Variants in UBXN11 observed in about 807,000 individuals in gnomAD.
The protein encoded by UBXN11 is UBX domain protein 11.
In UBXN11, 47 loss-of-function variants were observed where a neutral mutation model predicts 62.8. The ratio of observed to expected loss-of-function variants is 0.75; its 90% CI spans 0.59 to 0.95. The LOEUF (loss-of-function observed/expected upper bound fraction) is 0.95. Ranked by LOEUF, UBXN11 falls within the 40% of genes least tolerant of loss-of-function variation. UBXN11 has a pLI of 0.00. For missense variants in UBXN11, 638 were observed against 661.7 expected, an observed-to-expected ratio of 0.96 and a Z score of 0.39; for synonymous variants, 294 against 267.0, an observed-to-expected ratio of 1.10 and a Z score of -0.99.
rs556044481 is a variant in UBXN11, at chr1:26,284,203, T to C, written c.1016A>G (p.Lys339Arg). 14 of 1,613,116 alleles carry C rather than the reference T, an allele frequency of 8.7e-6. 1 individual carries two copies. In the African/African-American group the frequency reaches 9.3e-5, roughly 11 times the overall value. ...CACCTCGCCTTGCCGGATCACAAAC[T>C]TGGGGAGCCTGTTCAGAAATTTCTC... ...TAEKFLNRLP[K>R]FVIRQGEVID... Residue 339 changes from lysine (K) to arginine (R), a missense_variant, in exon 12 of 15, where the codon AAG becomes AGG. Transcript: ENST00000374222.
chr1:26,313,782 C>CTTTTTTT (rs56037016), intron 1 of UBXN11, among the ~76,000 whole-genome samples: 1 of 125,904 alleles, frequency 7.9e-6, no homozygotes, highest in Non-Finnish European at 1.7e-5. Context: ...AATTTTTTTT[C>CTTTTTTT]TTTTTTTTTT....
At position 26,302,812 on chromosome 1, in the gene UBXN11, C is replaced by T. The variant is rs1249218241; in HGVS notation, c.71+1G>A. ...AAAGACCCCTGAGGCTGGCTCCTTA[C>T]CCAGGATTCATAGGCTCCGAGGGCA... On this transcript the variant is annotated splice_donor_variant, in intron 2 of 14. Coordinates refer to ENST00000374222, the MANE Select transcript of UBXN11 (RefSeq NM_001389556.1). LOFTEE classifies it high-confidence loss of function. 6.2e-6 allele frequency: 10 copies of T among 1,613,406 alleles called. No homozygotes were observed. The highest frequency in any genetic ancestry group is 8.5e-6 in the Non-Finnish European group (10 of 1,179,668).
chr1:26,295,658 A>T (rs2073374082), intron 7 of UBXN11, among the ~76,000 whole-genome samples: 1 of 141,700 alleles, frequency 7.1e-6, no homozygotes, highest in Non-Finnish European at 1.6e-5. Flanking sequence ...CACTCACCAG[A>T]CATCATGCCC....
rs1356930694 is a variant in UBXN11, at chr1:26,299,908, C to T, written c.199+1018G>A. On this transcript the variant is annotated intron_variant, in intron 4 of 14. Coordinates refer to ENST00000374222, the MANE Select transcript of UBXN11 (RefSeq NM_001389556.1). ...ACTTTGGGAGGCTGAGGCAGGAGGA[C>T]TGATTGTGCCTGGGAGGCTGAGGTT... Among the ~76,000 whole-genome samples the T allele has an allele frequency of 3.9e-5, 6 of 151,984 alleles. No homozygotes were observed. In the East Asian group the frequency reaches 1.2e-3, roughly 29 times the overall value.
intron 8 of UBXN11, among the ~76,000 whole-genome samples, chr1:26,290,845 G>A (rs1461936889): frequency 3.3e-5 from 5 of 151,544 alleles, no homozygotes. Flanking sequence ...GATGCAGAGG[G>A]TGGGGGGGAA....
intron 10 of UBXN11, chr1:26,284,702 G>A: frequency 7.5e-7 from 1 of 1,335,058 alleles, no homozygotes; most frequent in Non-Finnish European, 9.6e-7. Context: ...GCCAGCTGAA[G>A]CTGCAGTACT....
intron 1 of UBXN11, among the ~76,000 whole-genome samples, chr1:26,312,957 C>G (rs909077606): frequency 1.4e-5 from 1 of 70,890 alleles, no homozygotes; most frequent in South Asian, 4.3e-4. Context: ...CCAGACTGGG[C>G]AACAAGAGCA....
At chr1:26,307,527 G>A (rs1398796237), upstream of UBXN11, among the ~76,000 whole-genome samples, 1 of 151,580 alleles carries the variant, frequency 6.6e-6, no homozygotes, top group Non-Finnish European at 1.5e-5. Flanking sequence ...AGCTGTGATG[G>A]TCTGGGAGTT....
At position 26,284,364 on chromosome 1, in the gene UBXN11, G is replaced by A. The variant is rs1196189207; in HGVS notation, c.971C>T (p.Pro324Leu). ...CTCAGCCTGGAGGCCAAACTCACCT[G>A]GGTGCTCCTCCACCCTGTCCAAGGC... ...HKALDRVEEH[P>L]GSRMTAEKFL... The change falls in exon 11 of 15, where the codon CCA becomes CTA. Residue 324 changes from proline to leucine, a missense_variant and splice_region_variant. Physicochemically the swap from Pro to Leu is moderately conservative, Grantham distance 98 (BLOSUM62 -3). Coordinates refer to ENST00000374222, the MANE Select transcript of UBXN11 (RefSeq NM_001389556.1). 1.2e-6 allele frequency: 2 copies of A among 1,614,082 alleles called. No homozygotes were observed. The highest frequency in any genetic ancestry group is 1.7e-5 in the Admixed American group (1 of 60,020).
At chr1:26,290,399 C>G (rs987118585) in intron 8 of UBXN11, among the ~76,000 whole-genome samples, 5 of 152,200 alleles carry the variant, frequency 3.3e-5, no homozygotes, top group Admixed American at 6.5e-5. Flanking sequence ...CTTTTAGCCC[C>G]TTCCCTCAAG....
At chr1:26,313,782 CTTTT>C (rs56037016) in intron 1 of UBXN11, among the ~76,000 whole-genome samples, 3 of 125,896 alleles carry the variant, frequency 2.4e-5, no homozygotes, top group Admixed American at 7.9e-5. Context: ...AATTTTTTTT[CTTTT>C]TTTTTTTTTT....
At chr1:26,283,305 A>C (rs181340405) in intron 12 of UBXN11, among the ~76,000 whole-genome samples, 132 of 152,308 alleles carry the variant, frequency 8.7e-4, no homozygotes, top group Admixed American at 1.3e-3. Context: ...GGATGCAGGG[A>C]TATTCCAGAC....
intron 8 of UBXN11, among the ~76,000 whole-genome samples, chr1:26,293,867 T>C (rs1007034903): frequency 6.6e-6 from 1 of 152,130 alleles, no homozygotes; most frequent in African/African-American, 2.4e-5. Flanking sequence ...GATTGCCTTT[T>C]TTTAAAACGG....
At chr1:26,298,217 A>G (rs1041010538) in intron 4 of UBXN11, among the ~76,000 whole-genome samples, 155 bp from the exon 5 acceptor site, 3 of 152,198 alleles carry the variant, frequency 2.0e-5, no homozygotes, top group African/African-American at 7.2e-5. Flanking sequence ...CTTCATGTAG[A>G]TCAACCCCCT....
chr1:26,311,493 A>G (rs1166756216), upstream of UBXN11, among the ~76,000 whole-genome samples: 1 of 149,476 alleles, frequency 6.7e-6, no homozygotes, highest in Non-Finnish European at 1.5e-5. Context: ...CCAAGGTTGG[A>G]GTGCAGTGGC....
intron 4 of UBXN11, among the ~76,000 whole-genome samples, chr1:26,298,417 A>C (rs2073447830): frequency 2.0e-5 from 3 of 152,356 alleles, no homozygotes; most frequent in African/African-American, 4.8e-5. Context: ...GTTGGTACGC[A>C]AAACAGCAGA....
chr1:26,285,310 C>A (rs116155766), intron 10 of UBXN11, 154 bp downstream of exon 10: 2 of 1,459,790 alleles, frequency 1.4e-6, no homozygotes, highest in Non-Finnish European at 9.1e-7. Context: ...CCCTTCCCAG[C>A]CCGGCTTCAG....
chr1:26,306,204 C>T (rs2073663926), intron 1 of UBXN11: 1 of 152,290 alleles, frequency 6.6e-6, no homozygotes, highest in African/African-American at 2.4e-5. Flanking sequence ...AGTTGTCACC[C>T]ACTTCAGACC....
At chr1:26,294,069 A>G in intron 8 of UBXN11, 136 bp downstream of exon 8, 1 of 1,356,702 alleles carries the variant, frequency 7.4e-7, no homozygotes, top group Non-Finnish European at 1.0e-6. Flanking sequence ...TCTCAGGGGC[A>G]AGTTGTGGGC....
Sources: gnomAD v4.1 joint callset for allele counts (sites outside exome capture counted in the v4.1 genomes callset) on GRCh38, gnomAD v4.1.1 for gene constraint, MANE v1.5 for transcripts, NCBI Gene and HGNC (gene_info 2026-07-23, HGNC 2026-07-21) for gene names.